CNTN2: variants seen among roughly 807,000 people sequenced by gnomAD.
CNTN2 encodes the protein contactin 2.
CNTN2 carries 53 observed loss-of-function variants against 117.5 expected under a neutral mutation model. The observed-to-expected ratio is 0.45, with a 90% CI of 0.36 to 0.57. The LOEUF is 0.57. CNTN2 is among the 20% of genes least tolerant of loss of function. The probability of loss-of-function intolerance (pLI) is 0.00; values close to 1 mark genes in which losing one functional copy is unlikely to be tolerated. For missense variants in CNTN2, 1,106 were observed against 1,404.3 expected (o/e 0.79, Z 3.39); for synonymous variants, 530 against 561.7 (o/e 0.94, Z 0.80).
Position 205,049,162 on chromosome 1 carries a change from C to T in CNTN2, c.-86-3938C>T, listed in dbSNP as rs117093123. 1.3e-3 allele frequency among the ~76,000 whole-genome samples: 193 copies of T among 151,952 alleles called. 7 individuals carry two copies. The East Asian group carries it at 0.036, about 28-fold the overall frequency. ...TATTCGTGATTACCCATGGTAATTA[C>T]TTATGGTAATAGAGATAACAGATAA... On this transcript the variant is annotated intron_variant, in intron 1 of 22. Transcript: ENST00000331830.
At chr1:205,066,109 T>C (rs948082102) in intron 14 of CNTN2, 200 bp downstream of exon 14, 1 of 718,970 alleles carries the variant, frequency 1.4e-6, no homozygotes, top group Non-Finnish European at 2.2e-6. Context: ...AAAGTCAAAG[T>C]TTAAAAAATC....
At chr1:205,044,520 T>C (rs926791643) in intron 1 of CNTN2, among the ~76,000 whole-genome samples, 4 of 151,408 alleles carry the variant, frequency 2.6e-5, no homozygotes, top group Admixed American at 1.3e-4. Context: ...GCCCCAGCCC[T>C]GGAGAAAGGT....
intron 19 of CNTN2, 102 bp downstream of exon 19, chr1:205,070,640 G>T (rs1417378126): frequency 2.5e-6 from 2 of 797,414 alleles, no homozygotes; most frequent in East Asian, 2.7e-5. Context: ...GGCGTCCCTG[G>T]TTCGCTGACA....
chr1:205,063,571 G>A (rs80064114), intron 10 of CNTN2: 1 of 151,184 alleles, frequency 6.6e-6, no homozygotes, highest in Non-Finnish European at 1.5e-5. Context: ...AGAGGCTGCA[G>A]TGAACTGAGA....
Position 205,072,406 on chromosome 1 carries a change from A to G in CNTN2, c.2732-77A>G, listed in dbSNP as rs1044483889. On this transcript the variant is annotated intron_variant, in intron 20 of 22. Transcript: ENST00000331830. Reference sequence around the variant, plus strand: ...ACTGCTAGAGGCAAACATCCAGAGAAGGGCTGGTTAAAGGTGAGGGGGTGC... The same window carrying G: ...ACTGCTAGAGGCAAACATCCAGAGAGGGGCTGGTTAAAGGTGAGGGGGTGC... 3.3e-6 allele frequency: 4 copies of G among 1,223,354 alleles called. No homozygotes were observed. The Admixed American group carries it at 5.3e-5, about 16-fold the overall frequency. The allele number at this position is 1,223,354 out of a possible 1,614,324, so 75.8% of individuals were successfully genotyped here.
In CNTN2 at chr1:205,048,744, G is replaced by T. The variant is rs2096446445; in HGVS notation, c.-86-4356G>T. Among the ~76,000 whole-genome samples the T allele has an allele frequency of 6.6e-6, 1 of 152,184 alleles. No homozygotes were observed. The highest frequency in any genetic ancestry group is 2.1e-4 in the South Asian group (1 of 4,826). On this transcript the variant is annotated intron_variant, in intron 1 of 22. Transcript: ENST00000331830. The surrounding 1 kb of genome is among the most constrained non-coding windows in gnomAD (Gnocchi z 4.1). ...TCTAGGCTGCACTCGGGCGGTCGGGGAGCTCTGTAGAGGCAGTAATTTTAT... is the reference window on the plus strand; with the variant it reads ...TCTAGGCTGCACTCGGGCGGTCGGGTAGCTCTGTAGAGGCAGTAATTTTAT...
chr1:205,059,679 G>A lies in CNTN2; in HGVS notation c.794G>A (p.Gly265Glu). Residue 265 changes from glycine (G) to glutamate (E), a missense_variant, in exon 7 of 23, where the codon GGG becomes GAG. Physicochemically the swap from Gly to Glu is moderately conservative, Grantham distance 98. Transcript: ENST00000331830. The surrounding 1 kb of genome is among the most constrained non-coding windows in gnomAD (Gnocchi z 5.6). ...GTCACCCTGGAGTGCTTCGCCTTTG[G>A]GAAGTGAGTGTGAAGAGGGAGGGGA... ...QQVTLECFAF[G>E]NPVPRIKWRK... is the part of the protein sequence containing the mutation. 1 of 1,611,836 alleles carries A rather than the reference G, an allele frequency of 6.2e-7. No individual in the cohort carries two copies. Among genetic ancestry groups the A allele is most frequent in the Non-Finnish European group, 8.5e-7 (1 of 1,179,318 alleles).
In CNTN2 at chr1:205,072,101, G is replaced by T. The variant is rs760177280; in HGVS notation, c.2699G>T (p.Ser900Ile). The change falls in exon 20 of 23, where the codon AGC (serine) becomes ATC (isoleucine). Residue 900 changes from serine to isoleucine, a missense_variant. By Grantham distance (142) the Ser-to-Ile change is moderately radical. Transcript: ENST00000331830. ...AACCGGGCTGGCACTGGGCCTGCCA[G>T]CCCTTCTGCCAACGCCACGACCATG... Reference protein sequence around the residue: ...AYNRAGTGPASPSANATTMKP... With the variant: ...AYNRAGTGPAIPSANATTMKP... 6 of 1,612,994 alleles carry T rather than the reference G, an allele frequency of 3.7e-6. No individual in the cohort carries two copies. The highest frequency in any genetic ancestry group is 4.2e-6 in the Non-Finnish European group (5 of 1,179,780).
intron 2 of CNTN2, among the ~76,000 whole-genome samples, chr1:205,056,538 G>T (rs774804476): frequency 1.3e-5 from 2 of 152,220 alleles, no homozygotes; most frequent in Non-Finnish European, 2.9e-5. Context: ...CCAAGGCTGG[G>T]CCTCAGCTGC....
Position 205,071,976 on chromosome 1 carries a change from A to C in CNTN2, c.2574A>C (p.Glu858Asp). The stretch of plus-strand genomic sequence containing the variant: ...GCTACTGGAAAGCTGGGGACAAAGA[A>C]GCAGCTGCGGACCGAGTGAGGACAG... ...EIRYWKAGDK[E>D]AAADRVRTAG... Residue 858 changes from glutamate (E) to aspartate (D), a missense_variant, in exon 20 of 23, where the codon GAA becomes GAC. Transcript: ENST00000331830. The C allele has an allele frequency of 1.2e-6, 2 of 1,612,930 alleles. No homozygotes were observed. The highest frequency in any genetic ancestry group is 2.2e-5 in the South Asian group (2 of 90,868).
In CNTN2 at chr1:205,061,919, A is replaced by G. The variant is rs758929116; in HGVS notation, c.1028A>G (p.Asn343Ser). The change falls in exon 9 of 23, where the codon AAC becomes AGC. Residue 343 changes from asparagine to serine, a missense_variant. Transcript: ENST00000331830. The surrounding 1 kb of genome is among the most constrained non-coding windows in gnomAD (Gnocchi z 4.8). ...ISDTEADIGS[N>S]LRWGCAAAGK... Reference sequence around the variant, plus strand: ...GACACAGAGGCTGACATTGGCTCCAACCTGCGTTGGGGCTGTGCAGCCGCC... The same window carrying G: ...GACACAGAGGCTGACATTGGCTCCAGCCTGCGTTGGGGCTGTGCAGCCGCC... 6.3e-6 allele frequency: 10 copies of G among 1,599,746 alleles called. No individual in the cohort carries two copies. The highest frequency in any genetic ancestry group is 5.2e-5 in the Admixed American group (3 of 58,190).
rs757901964 is a variant in CNTN2, at chr1:205,065,059, C to A, written c.1520-28C>A. On this transcript the variant is annotated intron_variant, in intron 12 of 22. Coordinates refer to ENST00000331830, the MANE Select transcript of CNTN2 (RefSeq NM_005076.5). This position sits in a 1 kb window ranked among gnomAD's most constrained non-coding sequence, Gnocchi z 4.1. Reference sequence around the variant, plus strand: ...GCCTGGGCCCATTTCCTCCCCCATCCACCCAAGGGCCTTGTTTTTCTTGGC... The same window carrying A: ...GCCTGGGCCCATTTCCTCCCCCATCAACCCAAGGGCCTTGTTTTTCTTGGC... 1.9e-6 allele frequency: 3 copies of A among 1,610,994 alleles called. No individual in the cohort carries two copies. The East Asian group carries it at 6.7e-5, about 36-fold the overall frequency.
At chr1:205,066,076 A>C in intron 14 of CNTN2, 167 bp downstream of exon 14, 1 of 800,176 alleles carries the variant, frequency 1.2e-6, no homozygotes, top group Non-Finnish European at 1.9e-6. Context: ...ACAGGTCCTA[A>C]ATGATCAGGA....
chr1:205,046,026 C>G (rs2096441017), intron 1 of CNTN2, among the ~76,000 whole-genome samples: 1 of 152,136 alleles, frequency 6.6e-6, no homozygotes. Flanking sequence ...GCATGCTGGC[C>G]ACCCCCTCAT....
chr1:205,046,615 T>C (rs2096441956), intron 1 of CNTN2, among the ~76,000 whole-genome samples: 1 of 152,192 alleles, frequency 6.6e-6, no homozygotes, highest in South Asian at 2.1e-4. Context: ...TGAGCCACCC[T>C]GGAGGAAGCT....
At position 205,058,365 on chromosome 1, in the gene CNTN2, C is replaced by T. The variant is rs531062186; in HGVS notation, c.391+9C>T. 17 of 1,527,978 alleles carry T rather than the reference C, an allele frequency of 1.1e-5. No homozygotes were observed. In the African/African-American group the frequency reaches 1.2e-4, roughly 11 times the overall value. 94.7% of individuals were successfully genotyped at this position (1,527,978 alleles called of 1,614,324 possible). ...CATCCTCCGCTTCGGCTGTGAGACC[C>T]GCGGGGGACCAAGACACTTTGGGGG... is the stretch of plus-strand genomic sequence containing the variant. On this transcript the variant is annotated intron_variant, in intron 4 of 22. Coordinates refer to ENST00000331830, the MANE Select transcript of CNTN2 (RefSeq NM_005076.5). The surrounding 1 kb of genome is among the most constrained non-coding windows in gnomAD (Gnocchi z 4.3).
Position 205,070,558 on chromosome 1 carries a change from T to C in CNTN2, c.2544+20T>C. The C allele has an allele frequency of 1.3e-6, 2 of 1,576,546 alleles. No homozygotes were observed. The highest frequency in any genetic ancestry group is 2.2e-5 in the South Asian group (2 of 89,522). On this transcript the variant is annotated intron_variant, in intron 19 of 22. Transcript: ENST00000331830. ...TATGAGGTGAGCACCAACCTGGGAC[T>C]TGGGAGAGGAAGGGGTGCTGGGGCT...
chr1:205,051,719 T>C (rs2096453273), intron 1 of CNTN2, among the ~76,000 whole-genome samples: 1 of 151,868 alleles, frequency 6.6e-6, no homozygotes, highest in Non-Finnish European at 1.5e-5. Flanking sequence ...CCAGGCTCCT[T>C]TGGGTGCCAA....
rs766941008 is a variant in CNTN2 at position 205,059,226 on chromosome 1, C to G, written c.630C>G (p.Thr210=). 6.2e-7 allele frequency: 1 copy of G among 1,614,230 alleles called. No individual in the cohort carries two copies. Among genetic ancestry groups the G allele is most frequent in the South Asian group, 1.1e-5 (1 of 91,076 alleles). Residue 210 remains threonine (T), a synonymous_variant, in exon 6 of 23, where the codon ACC becomes ACG. Coordinates refer to ENST00000331830, the MANE Select transcript of CNTN2 (RefSeq NM_005076.5). This position sits in a 1 kb window ranked among gnomAD's most constrained non-coding sequence, Gnocchi z 5.6. ...SDLGNYSCLA[T]SHMDFSTKSV... ...TGGGCAACTACTCCTGTTTGGCCAC[C>G]AGCCACATGGACTTCTCCACCAAGA...
Sources: allele counts gnomAD v4.1 joint callset (sites outside exome capture counted in the v4.1 genomes callset), GRCh38; gene constraint gnomAD v4.1.1; non-coding constraint Gnocchi (gnomAD v3.1); transcripts MANE v1.5; gene names NCBI Gene and HGNC (gene_info 2026-07-23, HGNC 2026-07-21).